The following UBAP1 variants were observed in gnomAD, a reference collection of about 807,000 sequenced individuals.
UBAP1 encodes the protein ubiquitin associated protein 1, also known as ubiquitin-associated protein 1.
In UBAP1, 5 loss-of-function variants were observed where a neutral mutation model predicts 39.0. The observed-to-expected ratio is 0.13, with a 90% CI of 0.07 to 0.27. The LOEUF is 0.27. UBAP1 is among the 10% of genes least tolerant of loss of function. The pLI, the probability that UBAP1 is intolerant of heterozygous loss-of-function variation, is 1.00. For synonymous variants in UBAP1, 211 were observed against 225.1 expected (o/e 0.94, Z 0.56); for missense variants, 490 against 608.1 (o/e 0.81, Z 2.04).
intron 1 of UBAP1, chr9:34,211,918 A>C (rs1323423255): frequency 3.0e-6 from 1 of 332,352 alleles, no homozygotes; most frequent in East Asian, 9.0e-5. Context: ...TTTGAACTGA[A>C]GTGATACTGA....
intron 1 of UBAP1, among the ~76,000 whole-genome samples, chr9:34,199,884 G>T (rs1014625047): frequency 6.7e-6 from 1 of 148,412 alleles, no homozygotes; most frequent in Non-Finnish European, 1.5e-5. Flanking sequence ...TAAGAGATCC[G>T]ATCCTTCTGC....
chr9:34,246,279 T>G (rs1381156354), intron 4 of UBAP1, among the ~76,000 whole-genome samples: 1 of 152,168 alleles, frequency 6.6e-6, no homozygotes, highest in East Asian at 1.9e-4. Flanking sequence ...TTGTCCAGGC[T>G]GGTCTCAAAA....
intron 2 of UBAP1, among the ~76,000 whole-genome samples, chr9:34,227,023 C>G (rs182459781): frequency 5.9e-5 from 9 of 152,260 alleles, no homozygotes; most frequent in African/African-American, 2.2e-4. Context: ...TTTACAATAT[C>G]TTGGCTCTCC....
intron 1 of UBAP1, chr9:34,206,150 T>C (rs1014508281): frequency 2.0e-5 from 3 of 152,236 alleles, no homozygotes; most frequent in Non-Finnish European, 4.4e-5. Context: ...CAGTCACTAG[T>C]TGTGTTTCTC....
chr9:34,226,428 G>C (rs907152421), intron 2 of UBAP1, among the ~76,000 whole-genome samples: 1 of 151,988 alleles, frequency 6.6e-6, no homozygotes, highest in African/African-American at 2.4e-5. Context: ...GTAGAGACAG[G>C]GTTTCGCCAT....
At chr9:34,184,142 AACAT>A (rs1405232439) in intron 1 of UBAP1, among the ~76,000 whole-genome samples, 1 of 152,130 alleles carries the variant, frequency 6.6e-6, no homozygotes, top group East Asian at 1.9e-4. Flanking sequence ...TCCAACCTGT[AACAT>A]ACAGTGTCCT....
chr9:34,197,823 T>C (rs1370515021), intron 1 of UBAP1, among the ~76,000 whole-genome samples: 1 of 152,254 alleles, frequency 6.6e-6, no homozygotes, highest in Non-Finnish European at 1.5e-5. Context: ...GTGCTAGGAT[T>C]ACAGGCGTGA....
chr9:34,209,003 C>T (rs947323177), intron 1 of UBAP1, among the ~76,000 whole-genome samples: 10 of 151,754 alleles, frequency 6.6e-5, no homozygotes, highest in African/African-American at 1.7e-4. Flanking sequence ...GGCGTGATCT[C>T]GGCTCACCGC....
chr9:34,225,956 G>A (rs939773164), intron 2 of UBAP1, among the ~76,000 whole-genome samples: 1 of 151,768 alleles, frequency 6.6e-6, no homozygotes, highest in African/African-American at 2.4e-5. Flanking sequence ...TCACTTTATC[G>A]AGGTATAATT....
At chr9:34,192,053 A>G (rs1209894334) in intron 1 of UBAP1, among the ~76,000 whole-genome samples, 1 of 150,870 alleles carries the variant, frequency 6.6e-6, no homozygotes, top group Admixed American at 6.6e-5. Flanking sequence ...TGTGTTGCCC[A>G]GGTTAGTCTC....
Position 34,250,738 on chromosome 9 carries a change from G to C in UBAP1, c.1347G>C (p.Met449Ile), listed in dbSNP as rs778478644. The C allele has an allele frequency of 1.8e-5, 29 of 1,613,266 alleles. No homozygotes were observed. In the Admixed American group the frequency reaches 2.0e-4, roughly 11 times the overall value. Residue 449 changes from methionine to isoleucine, a missense_variant, in exon 6 of 7, where the codon ATG becomes ATC. By Grantham distance (10) the Met-to-Ile change is conservative. Transcript: ENST00000297661. The part of the protein sequence containing the change: ...DPLLVEEALE[M>I]HQCSEEKMME... ...TTTTAGTGGAAGAGGCTCTGGAAAT[G>C]CACCAGTGTTCAGAAGAAAAGGTGG...
chr9:34,244,092 C>T (rs1318878735), intron 4 of UBAP1, among the ~76,000 whole-genome samples: 1 of 152,164 alleles, frequency 6.6e-6, no homozygotes, highest in Non-Finnish European at 1.5e-5. Flanking sequence ...TCGTGATCCG[C>T]CCGCCTCGGC....
At chr9:34,214,227 A>C (rs1343736813) in intron 1 of UBAP1, among the ~76,000 whole-genome samples, 1 of 152,218 alleles carries the variant, frequency 6.6e-6, no homozygotes. Flanking sequence ...AGACTAAGCA[A>C]AGAGAACAAA....
At chr9:34,219,320 C>T (rs897493060) in intron 1 of UBAP1, among the ~76,000 whole-genome samples, 1 of 152,172 alleles carries the variant, frequency 6.6e-6, no homozygotes, top group African/African-American at 2.4e-5. Flanking sequence ...AACTCCTGGG[C>T]TCAAGTAATC....
intron 4 of UBAP1, among the ~76,000 whole-genome samples, chr9:34,244,055 G>C (rs113924954): frequency 2.0e-5 from 3 of 151,852 alleles, no homozygotes; most frequent in Non-Finnish European, 2.9e-5. Flanking sequence ...TCACCATCTT[G>C]GCCAGGCTGG....
intron 1 of UBAP1, among the ~76,000 whole-genome samples, chr9:34,182,677 T>TC (rs1563881334): frequency 0.013 from 947 of 71,838 alleles, 15 homozygotes; most frequent in South Asian, 0.038. Flanking sequence ...CTTTCTTTCT[T>TC]TCTTTCTCTC....
At chr9:34,207,564 G>C (rs1831781374) in intron 1 of UBAP1, among the ~76,000 whole-genome samples, 1 of 151,454 alleles carries the variant, frequency 6.6e-6, no homozygotes, top group East Asian at 1.9e-4. Flanking sequence ...TACAGGTTTA[G>C]TTTTCTCCCT....
intron 1 of UBAP1, 30 bp from the exon 2 acceptor site, chr9:34,220,878 G>C: frequency 6.2e-7 from 1 of 1,608,308 alleles, no homozygotes; most frequent in South Asian, 1.1e-5. Context: ...AAGGTATAAT[G>C]TGCCTAAGAA....
Position 34,249,907 on chromosome 9 carries a change from C to T in UBAP1, c.1212C>T (p.Tyr404=), listed in dbSNP as rs186948671. ...QCVETVVNMG[Y]SYECVLRAMK... ...TGGAGACGGTGGTCAACATGGGCTACTCGTACGAGTGTGTCCTCAGAGCCA... is the reference window on the plus strand; with the variant it reads ...TGGAGACGGTGGTCAACATGGGCTATTCGTACGAGTGTGTCCTCAGAGCCA... The change falls in exon 5 of 7, where the codon TAC becomes TAT. Residue 404 remains tyrosine (Y), a synonymous_variant. Transcript: ENST00000297661. The T allele has an allele frequency of 2.5e-6, 4 of 1,613,752 alleles. No homozygotes were observed. The African/African-American group carries it at 4.0e-5, about 16-fold the overall frequency.
Sources: gnomAD v4.1 joint callset for allele counts (sites outside exome capture counted in the v4.1 genomes callset) on GRCh38, gnomAD v4.1.1 for gene constraint, MANE v1.5 for transcripts, NCBI Gene and HGNC (gene_info 2026-07-23, HGNC 2026-07-21) for gene names.